CCT2: variants seen among roughly 807,000 people sequenced by gnomAD.
CCT2 encodes chaperonin containing TCP1 subunit 2.
CCT2 carries 18 observed loss-of-function variants against 61.8 expected under a neutral mutation model. The ratio of observed to expected loss-of-function variants is 0.29; its 90% confidence interval spans 0.20 to 0.43. CCT2 has a LOEUF of 0.43. Among genes scored for constraint, CCT2 ranks in the 20% least tolerant of loss-of-function variants. The probability of loss-of-function intolerance (pLI) is 1.00; values close to 1 mark genes in which losing one functional copy is unlikely to be tolerated. For synonymous variants in CCT2, 248 were observed against 215.9 expected (o/e 1.15, Z -1.30); for missense variants, 556 against 656.9 (o/e 0.85, Z 1.68).
At chr12:69,590,796 A>T (rs1881813314) in intron 7 of CCT2, among the ~76,000 whole-genome samples, 2 of 150,080 alleles carry the variant, frequency 1.3e-5, no homozygotes, top group Middle Eastern at 3.5e-3. Context: ...GCCTCACTGC[A>T]ACCACTGCCT....
Position 69,597,941 on chromosome 12 carries a change from ATATTT to A in CCT2, c.1232-22_1232-18del, listed in dbSNP as rs555952077. On this transcript the variant is annotated intron_variant, in intron 12 of 15. Transcript: ENST00000299300. ...ATCTTGGAGACAACTAAGCATTGCA[ATATTT>A]TATTGGAATTTTAATCTTTAGGCTG... 132 of 1,575,036 alleles carry A rather than the reference ATATTT, an allele frequency of 8.4e-5. No individual in the cohort carries two copies. The South Asian group carries it at 1.3e-3, about 16-fold the overall frequency.
intron 15 of CCT2, among the ~76,000 whole-genome samples, chr12:69,600,574 T>C (rs1251033157): frequency 8.0e-6 from 1 of 125,618 alleles, no homozygotes; most frequent in Non-Finnish European, 1.7e-5. Flanking sequence ...TCATATTCCT[T>C]ATTAATCTCC....
At chr12:69,592,248 G>A (rs143534798) in intron 8 of CCT2, 89 bp downstream of exon 8, 22 of 669,910 alleles carry the variant, frequency 3.3e-5, no homozygotes, top group Non-Finnish European at 5.5e-5. Flanking sequence ...AGGCCAAGGT[G>A]GTGGATCATC....
At chr12:69,592,303 C>T in intron 8 of CCT2, 144 bp downstream of exon 8, 1 of 468,836 alleles carries the variant, frequency 2.1e-6, no homozygotes, top group South Asian at 3.7e-5. Flanking sequence ...TGGAGAAACC[C>T]TGTCTCTACT....
chr12:69,589,735 C>T (rs11177735), intron 7 of CCT2, 48 bp downstream of exon 7: 1 of 1,410,572 alleles, frequency 7.1e-7, no homozygotes, highest in Non-Finnish European at 9.9e-7. Flanking sequence ...ATGCTGAGGG[C>T]TGAATACTGA....
At chr12:69,595,801 T>TTA (rs1434630232) in intron 10 of CCT2, among the ~76,000 whole-genome samples, 2 of 152,036 alleles carry the variant, frequency 1.3e-5, no homozygotes, top group African/African-American at 2.4e-5. Flanking sequence ...GAATGTTTAT[T>TTA]AAGTACACCA....
At chr12:69,592,426 T>C (rs1180909023) in intron 8 of CCT2, 1 of 204,958 alleles carries the variant, frequency 4.9e-6, no homozygotes, top group Non-Finnish European at 9.8e-6. Context: ...GAGGTTGCAC[T>C]GAGCCGAGAT....
chr12:69,589,555 A>C lies in CCT2; in HGVS notation c.517A>C (p.Thr173Pro), dbSNP rs1881772433. The change falls in exon 7 of 16, where the codon ACT (threonine) becomes CCT (proline). Residue 173 changes from threonine (T) to proline (P), a missense_variant. Around this residue, in one of 3 missense-constraint regions of CCT2, gnomAD observed 308 missense variants for 350.6 expected, o/e 0.88. Transcript: ENST00000299300. ...AGTTLSSKLLTHHKDHFTKLA... is the reference protein window; with the variant it reads ...AGTTLSSKLLPHHKDHFTKLA... Reference sequence around the variant, plus strand: ...CACAACATTATCCTCAAAACTTCTTACTCATCACAAAGACCACTTTACAAA... The same window carrying C: ...CACAACATTATCCTCAAAACTTCTTCCTCATCACAAAGACCACTTTACAAA... 6.2e-7 allele frequency: 1 copy of C among 1,613,930 alleles called. No homozygotes were observed.
chr12:69,592,287 C>T, intron 8 of CCT2, 128 bp downstream of exon 8: 2 of 511,474 alleles, frequency 3.9e-6, no homozygotes, highest in Non-Finnish European at 7.2e-6. Flanking sequence ...ACCAGCCTGA[C>T]CAACATGGAG....
intron 11 of CCT2, 105 bp downstream of exon 11, chr12:69,597,380 ACT>A: frequency 7.4e-7 from 1 of 1,353,910 alleles, no homozygotes; most frequent in Admixed American, 2.0e-5. Flanking sequence ...ACAAGTCTTA[ACT>A]CTTCAGAAGC....
In CCT2 at chr12:69,599,932, A is replaced by G; in HGVS notation, c.1505A>G (p.Gln502Arg). 1 of 1,614,056 alleles carries G rather than the reference A, an allele frequency of 6.2e-7. No homozygotes were observed. Among genetic ancestry groups the G allele is most frequent in the Non-Finnish European group, 8.5e-7 (1 of 1,179,920 alleles). ...GITESFQVKRQVLLSAAEAAE... is the reference protein window; with the variant it reads ...GITESFQVKRRVLLSAAEAAE... ...ACAGAAAGTTTTCAAGTGAAGCGAC[A>G]GGTTCTTCTGAGTGCAGCTGAAGCA... Residue 502 changes from glutamine to arginine, a missense_variant, in exon 15 of 16, where the codon CAG (glutamine) becomes CGG (arginine). By Grantham distance (43) the Gln-to-Arg change is conservative. Transcript: ENST00000299300.
chr12:69,596,172 T>C (rs1034315566), intron 10 of CCT2, among the ~76,000 whole-genome samples: 2 of 152,344 alleles, frequency 1.3e-5, no homozygotes, highest in South Asian at 4.1e-4. Flanking sequence ...ATATCTGTTG[T>C]GTCTCACATC....
rs1435695216 is a variant in CCT2 at position 69,601,520 on chromosome 12, A to T, written c.*195A>T. ...ATTTTCCATACAAATCAGTTGATTT[A>T]AAAAAGTTCATTTCTCATACTGTGC... is the stretch of plus-strand genomic sequence containing the variant. On this transcript the variant is annotated 3_prime_UTR_variant, in exon 16 of 16. Transcript: ENST00000299300. 1.1e-5 allele frequency: 15 copies of T among 1,426,606 alleles called. No individual in the cohort carries two copies. Among genetic ancestry groups the T allele is most frequent in the Middle Eastern group, 1.8e-4 (1 of 5,410 alleles). 88.4% of individuals were successfully genotyped at this position (1,426,606 alleles called of 1,614,324 possible).
At chr12:69,590,499 A>T (rs574824022) in intron 7 of CCT2, among the ~76,000 whole-genome samples, 3 of 152,172 alleles carry the variant, frequency 2.0e-5, no homozygotes. Context: ...TCATCTTCAC[A>T]TTATATTTAC....
At chr12:69,586,372 A>G in intron 2 of CCT2, 28 bp downstream of exon 2, 1 of 1,537,968 alleles carries the variant, frequency 6.5e-7, no homozygotes, top group Non-Finnish European at 9.0e-7. Context: ...CATTGTTTTA[A>G]AGATAAAACT....
At chr12:69,586,173 T>C in intron 1 of CCT2, 97 bp from the exon 2 acceptor site, 2 of 1,150,958 alleles carry the variant, frequency 1.7e-6, no homozygotes, top group Non-Finnish European at 2.6e-6. Flanking sequence ...ATGAGTTTTC[T>C]CTTAGATGTC....
chr12:69,586,073 AGCCAT>A, intron 1 of CCT2, 192 bp from the exon 2 acceptor site: 1 of 1,342,582 alleles, frequency 7.4e-7, no homozygotes, highest in African/African-American at 1.5e-5. Context: ...AAATCCGAAA[AGCCAT>A]GTCGCTCTCC....
At chr12:69,586,875 A>G in intron 3 of CCT2, 57 bp downstream of exon 3, 1 of 1,012,586 alleles carries the variant, frequency 9.9e-7, no homozygotes. Flanking sequence ...CTTGGTGGAA[A>G]TATAATAACA....
chr12:69,601,240 T>C (rs919834610), intron 15 of CCT2, 55 bp from the exon 16 acceptor site: 10 of 1,381,526 alleles, frequency 7.2e-6, no homozygotes, highest in East Asian at 2.3e-5. Context: ...TATAATACTT[T>C]GGATAAAATC....
Sources: allele counts gnomAD v4.1 joint callset (sites outside exome capture counted in the v4.1 genomes callset), GRCh38; gene constraint gnomAD v4.1.1; regional missense constraint gnomAD v4.1.1; transcripts MANE v1.5; gene names NCBI Gene and HGNC (gene_info 2026-07-23, HGNC 2026-07-21).